Variants in FMN1 observed in about 807,000 individuals in gnomAD.
FMN1 encodes formin-1.
A neutral mutation model predicts 132.4 loss-of-function variants in FMN1; 110 were observed. That is an observed-to-expected ratio of 0.83 (90% CI 0.71 to 0.97). The LOEUF is 0.97. Among genes scored for constraint, FMN1 ranks in the 50% least tolerant of loss-of-function variants. FMN1 has a pLI of 0.00. For missense variants in FMN1, 1,792 were observed against 1,705.3 expected (o/e 1.05, Z -0.90); for synonymous variants, 722 against 651.7 (o/e 1.11, Z -1.64).
chr15:32,777,003 G>T, intron 19 of FMN1, 84 bp from the exon 20 acceptor site: 2 of 796,868 alleles, frequency 2.5e-6, no homozygotes, highest in Non-Finnish European at 4.1e-6. Context: ...GTTAAGGCAG[G>T]TTAAACATAA....
At chr15:33,111,143 T>C (rs898539603) in intron 4 of FMN1, among the ~76,000 whole-genome samples, 8 of 152,186 alleles carry the variant, frequency 5.3e-5, no homozygotes, top group Non-Finnish European at 1.2e-4. Flanking sequence ...TTTTCCATGG[T>C]GCTTTGCACA....
intron 17 of FMN1, among the ~76,000 whole-genome samples, chr15:32,810,668 A>C (rs1056734253): frequency 1.3e-5 from 2 of 152,240 alleles, no homozygotes; most frequent in Non-Finnish European, 2.9e-5. Flanking sequence ...TCATACAATG[A>C]GAGTGGCTGA....
intron 17 of FMN1, among the ~76,000 whole-genome samples, chr15:32,816,906 A>C (rs568359616): frequency 6.6e-6 from 1 of 152,362 alleles, no homozygotes; most frequent in East Asian, 1.9e-4. Flanking sequence ...TCAGAAGGAC[A>C]TCCAATATTA....
intron 4 of FMN1, among the ~76,000 whole-genome samples, chr15:33,117,615 C>T (rs372742461): frequency 3.9e-5 from 6 of 152,132 alleles, no homozygotes; most frequent in Non-Finnish European, 8.8e-5. Flanking sequence ...TTTATAGATA[C>T]GTGGAATGAG....
chr15:33,078,963 G>C (rs1454671090), intron 5 of FMN1, among the ~76,000 whole-genome samples: 1 of 152,140 alleles, frequency 6.6e-6, no homozygotes, highest in East Asian at 1.9e-4. Flanking sequence ...ATGAGGGTAA[G>C]AAATTGGAAC....
chr15:32,974,173 T>C (rs894279572), intron 7 of FMN1, among the ~76,000 whole-genome samples: 2 of 152,238 alleles, frequency 1.3e-5, no homozygotes, highest in Non-Finnish European at 2.9e-5. Flanking sequence ...CCATTTATTT[T>C]TAGACCAATG....
chr15:32,999,293 A>G (rs2033956374), intron 7 of FMN1, among the ~76,000 whole-genome samples: 1 of 152,226 alleles, frequency 6.6e-6, no homozygotes, highest in African/African-American at 2.4e-5. Context: ...AAAAAAATGG[A>G]ACAGGCTTGG....
chr15:32,954,256 A>G (rs1205195850), intron 9 of FMN1, among the ~76,000 whole-genome samples: 1 of 152,356 alleles, frequency 6.6e-6, no homozygotes, highest in East Asian at 1.9e-4. Flanking sequence ...AATCAGAACA[A>G]TTATTTCCTG....
intron 20 of FMN1, among the ~76,000 whole-genome samples, chr15:32,775,347 A>G (rs548392245): frequency 1.4e-4 from 22 of 152,088 alleles, no homozygotes; most frequent in Non-Finnish European, 2.8e-4. Context: ...AGCAGCCCCA[A>G]CAAGCCCAGG....
intron 17 of FMN1, among the ~76,000 whole-genome samples, chr15:32,838,759 C>G (rs2058681728): frequency 6.6e-6 from 1 of 152,184 alleles, no homozygotes; most frequent in Admixed American, 6.5e-5. Context: ...CAACAGAATC[C>G]AAATTATTAT....
In FMN1 at chr15:32,913,026, T is replaced by TA. The variant is rs1413952894; in HGVS notation, c.3227-2492dup. On this transcript the variant is annotated intron_variant, in intron 10 of 20. Coordinates refer to ENST00000616417, the MANE Select transcript of FMN1 (RefSeq NM_001277313.2). The stretch of plus-strand genomic sequence containing the variant: ...ATCCCCTTTAACATCTGGAAAGAGT[T>TA]AGAGAAAGAAAACTACAACTACTGA... 2.0e-5 allele frequency among the ~76,000 whole-genome samples: 3 copies of TA among 152,150 alleles called. No individual in the cohort carries two copies. In the East Asian group the frequency reaches 5.8e-4, roughly 29 times the overall value.
At chr15:33,157,922 T>A (rs1566959079) in intron 3 of FMN1, among the ~76,000 whole-genome samples, 1 of 150,362 alleles carries the variant, frequency 6.7e-6, no homozygotes, top group Non-Finnish European at 1.5e-5. Flanking sequence ...AGGTTGAAGC[T>A]GCAGTGGACT....
At chr15:33,124,271 C>T (rs550359990) in intron 4 of FMN1, among the ~76,000 whole-genome samples, 1 of 151,468 alleles carries the variant, frequency 6.6e-6, no homozygotes, top group Admixed American at 6.5e-5. Flanking sequence ...AACACATTGA[C>T]ATTCACTGTA....
In FMN1 at chr15:33,085,570, C is replaced by A; in HGVS notation, c.2043+3229G>T. Among the ~76,000 whole-genome samples the A allele has an allele frequency of 2.0e-5, 3 of 148,748 alleles. No individual in the cohort carries two copies. The East Asian group carries it at 5.9e-4, about 29-fold the overall frequency. ...TTAAAATTATACATATATACATATG[C>A]ATAATTTATATATCATATATGTAAT... On this transcript the variant is annotated intron_variant, in intron 5 of 20. Transcript: ENST00000616417.
At position 32,890,528 on chromosome 15, in the gene FMN1, G is replaced by C. The variant is rs375006643; in HGVS notation, c.3715-2236C>G. ...CATTTCCCTGATCATTAGTGATGTTGAGCATTTTTTCATGTTTGTTGGCCA... is the reference window on the plus strand; with the variant it reads ...CATTTCCCTGATCATTAGTGATGTTCAGCATTTTTTCATGTTTGTTGGCCA... On this transcript the variant is annotated intron_variant, in intron 15 of 20. Transcript: ENST00000616417. 7.2e-5 allele frequency among the ~76,000 whole-genome samples: 11 copies of C among 152,298 alleles called. No individual in the cohort carries two copies. The South Asian group carries it at 2.1e-3, about 29-fold the overall frequency.
rs980753762 is a variant in FMN1 at position 33,096,439 on chromosome 15, G to T, written c.1868-7465C>A. Among the ~76,000 whole-genome samples, 4 of 152,088 alleles carry T rather than the reference G, an allele frequency of 2.6e-5. No individual in the cohort carries two copies. The South Asian group carries it at 8.3e-4, about 32-fold the overall frequency. On this transcript the variant is annotated intron_variant, in intron 4 of 20. Transcript: ENST00000616417. ...CTCTTCATCAGAGCTGCTAAGAAAT[G>T]GCCTCTATAACACATCCAGATTCGT...
chr15:32,949,136 A>T (rs1448410945), intron 9 of FMN1, among the ~76,000 whole-genome samples: 4 of 151,992 alleles, frequency 2.6e-5, no homozygotes, highest in African/African-American at 9.7e-5. Flanking sequence ...TACTTTCTTA[A>T]CTCAATTTAT....
intron 16 of FMN1, among the ~76,000 whole-genome samples, chr15:32,875,046 C>T (rs2059606550): frequency 6.6e-6 from 1 of 152,228 alleles, no homozygotes; most frequent in African/African-American, 2.4e-5. Context: ...CTGACTTGGA[C>T]ATATTGCCAT....
intron 6 of FMN1, among the ~76,000 whole-genome samples, chr15:33,062,100 A>G (rs908930344): frequency 1.3e-5 from 2 of 152,204 alleles, no homozygotes; most frequent in East Asian, 3.8e-4. Context: ...AACAGTTTCA[A>G]AAATGGTAAT....
Sources: allele counts gnomAD v4.1 joint callset (sites outside exome capture counted in the v4.1 genomes callset), GRCh38; gene constraint gnomAD v4.1.1; transcripts MANE v1.5; gene names NCBI Gene and HGNC (gene_info 2026-07-23, HGNC 2026-07-21).